FYN: variants seen among roughly 807,000 people sequenced by gnomAD.
FYN encodes the protein tyrosine-protein kinase Fyn.
Under a neutral mutation model 70.2 loss-of-function variants are expected in FYN, and 10 were observed. The ratio of observed to expected loss-of-function variants is 0.14; its 90% CI spans 0.09 to 0.24. The LOEUF (loss-of-function observed/expected upper bound fraction) is 0.24. Among genes scored for constraint, FYN ranks in the 10% least tolerant of loss-of-function variants. The pLI, the probability that FYN is intolerant of heterozygous loss-of-function variation, is 1.00. For synonymous variants in FYN, 236 were observed against 248.6 expected (o/e 0.95, Z 0.48); for missense variants, 319 against 673.1 (o/e 0.47, Z 5.82).
At chr6:111,757,470 G>A (rs888717746) in intron 3 of FYN, among the ~76,000 whole-genome samples, 9 of 152,178 alleles carry the variant, frequency 5.9e-5, no homozygotes, top group African/African-American at 1.9e-4. Context: ...TTGAACTGTG[G>A]TGAATCACAC....
At chr6:111,811,839 T>G (rs1772334824) in intron 2 of FYN, among the ~76,000 whole-genome samples, 1 of 151,970 alleles carries the variant, frequency 6.6e-6, no homozygotes, top group Non-Finnish European at 1.5e-5. Context: ...AGATTAGACG[T>G]GGGCACTGCA....
intron 2 of FYN, among the ~76,000 whole-genome samples, chr6:111,830,931 T>G (rs1482830456): frequency 1.3e-5 from 2 of 151,914 alleles, no homozygotes; most frequent in African/African-American, 4.8e-5. Context: ...ACTGTAGACA[T>G]GGGCATGGGA....
chr6:111,730,816 C>A (rs1288070694), intron 3 of FYN, among the ~76,000 whole-genome samples: 1 of 152,046 alleles, frequency 6.6e-6, no homozygotes, highest in Non-Finnish European at 1.5e-5. Flanking sequence ...ACCCTCCTTA[C>A]CCTCATTCTA....
In FYN at chr6:111,811,339, T is replaced by G. The variant is rs117665707; in HGVS notation, c.-81-30704A>C. On this transcript the variant is annotated intron_variant, in intron 2 of 13. Transcript: ENST00000354650. ...AACGTTTTAAAGATGCCATAATGGG[T>G]AGTAGCAGGCTGTAGGGCTTGGGGT... is the stretch of plus-strand genomic sequence containing the variant. Among the ~76,000 whole-genome samples, 8 of 152,278 alleles carry G rather than the reference T, an allele frequency of 5.3e-5. No homozygotes were observed. The East Asian group carries it at 1.5e-3, about 29-fold the overall frequency.
chr6:111,696,123 G>A (rs1255186414), intron 10 of FYN, among the ~76,000 whole-genome samples, 154 bp downstream of exon 10: 2 of 152,196 alleles, frequency 1.3e-5, no homozygotes, highest in Non-Finnish European at 2.9e-5. Flanking sequence ...TTTAAAAAAT[G>A]TTTTCATTAA....
At chr6:111,706,370 C>T (rs1178884187) in intron 6 of FYN, among the ~76,000 whole-genome samples, 2 of 152,172 alleles carry the variant, frequency 1.3e-5, no homozygotes, top group African/African-American at 4.8e-5. Context: ...ATATAGGTAT[C>T]ATGAGTTCAC....
At chr6:111,754,646 A>G (rs1802635348) in intron 3 of FYN, 1 of 152,204 alleles carries the variant, frequency 6.6e-6, no homozygotes, top group South Asian at 2.1e-4. Context: ...ACAACAGGCA[A>G]GGGTTACAGT....
chr6:111,772,434 C>T (rs1269148486), intron 3 of FYN, among the ~76,000 whole-genome samples: 1 of 152,130 alleles, frequency 6.6e-6, no homozygotes, highest in East Asian at 1.9e-4. Context: ...TCACAAATGA[C>T]CCATGTATCA....
intron 3 of FYN, among the ~76,000 whole-genome samples, chr6:111,757,775 G>T (rs1358923092): frequency 6.6e-6 from 1 of 152,134 alleles, no homozygotes; most frequent in Admixed American, 6.5e-5. Flanking sequence ...ACAAAACACA[G>T]GATGTCATTT....
intron 3 of FYN, among the ~76,000 whole-genome samples, chr6:111,763,023 G>C (rs1042304301): frequency 2.6e-5 from 4 of 152,004 alleles, no homozygotes; most frequent in Non-Finnish European, 4.4e-5. Context: ...TATCTTTCAG[G>C]CCCCCTGACC....
chr6:111,848,343 A>C (rs1773590114), intron 1 of FYN, among the ~76,000 whole-genome samples: 1 of 152,236 alleles, frequency 6.6e-6, no homozygotes, highest in African/African-American at 2.4e-5. Flanking sequence ...TCTTTCAAGC[A>C]TACTGTGTAA....
At chr6:111,829,508 G>A (rs1046255605) in intron 2 of FYN, among the ~76,000 whole-genome samples, 5 of 152,154 alleles carry the variant, frequency 3.3e-5, no homozygotes, top group African/African-American at 1.2e-4. Flanking sequence ...CACATCAGGA[G>A]CTCAGATTGT....
intron 1 of FYN, among the ~76,000 whole-genome samples, chr6:111,865,682 T>G (rs1774084756): frequency 1.3e-5 from 2 of 152,206 alleles, no homozygotes; most frequent in Non-Finnish European, 2.9e-5. Flanking sequence ...CAAATCACTC[T>G]TTTTTCATAG....
Position 111,846,644 on chromosome 6 carries a change from A to G in FYN, c.-122-15T>C, listed in dbSNP as rs902018718. 3.8e-5 allele frequency: 15 copies of G among 398,446 alleles called. No homozygotes were observed. The highest frequency in any genetic ancestry group is 4.1e-5 in the African/African-American group (2 of 48,604). 24.7% of individuals were successfully genotyped at this position (398,446 alleles called of 1,614,324 possible). A position where few individuals can be genotyped will look rare whatever the true frequency, so the allele number is the denominator to read the frequency against. The stretch of plus-strand genomic sequence containing the variant: ...CTTCAAAAAAACTGTAGAAGAAGAA[A>G]AAAAAAAGTGAGACATCAAAAGAGA... On this transcript the variant is annotated splice_polypyrimidine_tract_variant and intron_variant, in intron 1 of 13. Coordinates refer to ENST00000354650, the MANE Select transcript of FYN (RefSeq NM_002037.5).
At chr6:111,802,804 A>G (rs994519667) in intron 2 of FYN, among the ~76,000 whole-genome samples, 22 of 152,128 alleles carry the variant, frequency 1.4e-4, no homozygotes, top group Admixed American at 1.3e-4. Flanking sequence ...CATTGGATTT[A>G]CAATGCAGCA....
chr6:111,726,619 C>G (rs1801204269), intron 3 of FYN, among the ~76,000 whole-genome samples: 1 of 152,074 alleles, frequency 6.6e-6, no homozygotes, highest in African/African-American at 2.4e-5. Flanking sequence ...CCAGTCCATG[C>G]AAGGGTGTGG....
intron 2 of FYN, among the ~76,000 whole-genome samples, chr6:111,838,237 C>T (rs1389671503): frequency 6.6e-6 from 1 of 152,160 alleles, no homozygotes; most frequent in Non-Finnish European, 1.5e-5. Flanking sequence ...AAGATTTAAA[C>T]CTACTAACAT....
At chr6:111,665,213 G>T (rs1017384475) in intron 13 of FYN, among the ~76,000 whole-genome samples, 1 of 152,156 alleles carries the variant, frequency 6.6e-6, no homozygotes, top group Non-Finnish European at 1.5e-5. Context: ...CCCTTTGCGT[G>T]TTATGTCAGT....
intron 4 of FYN, 93 bp from the exon 5 acceptor site, chr6:111,714,536 A>G (rs972742482): frequency 1.1e-6 from 1 of 889,346 alleles, no homozygotes; most frequent in Non-Finnish European, 1.8e-6. Context: ...CATTCTCACA[A>G]TCTACATCTA....
Sources: allele counts gnomAD v4.1 joint callset (sites outside exome capture counted in the v4.1 genomes callset), GRCh38; gene constraint gnomAD v4.1.1; transcripts MANE v1.5; gene names NCBI Gene and HGNC (gene_info 2026-07-23, HGNC 2026-07-21).